The following AGBL1 variants were observed in gnomAD, a reference collection of about 807,000 sequenced individuals.
The protein encoded by AGBL1 is cytosolic carboxypeptidase 4.
In AGBL1, 130 loss-of-function variants were observed where a neutral mutation model predicts 118.9. That is an observed-to-expected ratio of 1.09 (90% CI 0.95 to 1.26). AGBL1 has a LOEUF of 1.26. Ranked by LOEUF, AGBL1 falls within the 50% of genes most tolerant of loss-of-function variation. The pLI is 0.00. For synonymous variants in AGBL1, 555 were observed against 478.9 expected (o/e 1.16, Z -2.08); for missense variants, 1,584 against 1,298.1 (o/e 1.22, Z -3.38).
intron 22 of AGBL1, among the ~76,000 whole-genome samples, chr15:86,689,544 G>T (rs952450108): frequency 6.6e-6 from 1 of 151,896 alleles, no homozygotes; most frequent in African/African-American, 2.4e-5. Flanking sequence ...GAAGACTTAC[G>T]GGCTAAATAA....
At chr15:86,555,786 C>A (rs570362303) in intron 21 of AGBL1, among the ~76,000 whole-genome samples, 78 of 152,124 alleles carry the variant, frequency 5.1e-4, no homozygotes, top group South Asian at 1.2e-3. Flanking sequence ...AATAAGGACT[C>A]CTTTTATCCT....
At chr15:86,599,113 G>C (rs903540460) in intron 21 of AGBL1, among the ~76,000 whole-genome samples, 2 of 152,100 alleles carry the variant, frequency 1.3e-5, no homozygotes, top group African/African-American at 4.8e-5. Context: ...ATAGTGATTA[G>C]TTTCACACCG....
intron 18 of AGBL1, among the ~76,000 whole-genome samples, chr15:86,427,532 A>T (rs2081881613): frequency 1.3e-5 from 2 of 151,068 alleles, no homozygotes; most frequent in African/African-American, 4.9e-5. Flanking sequence ...GATAAAATAC[A>T]TTCTTCAATT....
At chr15:86,624,812 G>A (rs750210788) in intron 21 of AGBL1, among the ~76,000 whole-genome samples, 2 of 152,178 alleles carry the variant, frequency 1.3e-5, no homozygotes, top group Non-Finnish European at 2.9e-5. Flanking sequence ...AGGTCTGAAA[G>A]GTCAGACACC....
At chr15:86,707,980 C>G (rs1056181642) in intron 22 of AGBL1, among the ~76,000 whole-genome samples, 10 of 152,156 alleles carry the variant, frequency 6.6e-5, no homozygotes, top group Admixed American at 5.2e-4. Context: ...TTTAGCTACT[C>G]AGTCTCAAAA....
chr15:86,446,381 C>G (rs976107724), intron 18 of AGBL1, among the ~76,000 whole-genome samples: 1 of 152,180 alleles, frequency 6.6e-6, no homozygotes, highest in Non-Finnish European at 1.5e-5. Flanking sequence ...CAGAGAAGCT[C>G]AAGGGAGCAT....
At chr15:87,028,768 A>G in intron 24 of AGBL1, 1 of 1,547,912 alleles carries the variant, frequency 6.5e-7, no homozygotes, top group Non-Finnish European at 8.9e-7. Context: ...TGTGGCACAA[A>G]CCAGAAGTTA....
chr15:87,021,586 A>G (rs947484313), intron 24 of AGBL1, among the ~76,000 whole-genome samples: 1 of 152,208 alleles, frequency 6.6e-6, no homozygotes, highest in Non-Finnish European at 1.5e-5. Context: ...AAATTTTTGC[A>G]ATCTATCCAT....
intron 22 of AGBL1, among the ~76,000 whole-genome samples, chr15:86,779,715 A>T (rs1403079447): frequency 1.3e-5 from 2 of 152,164 alleles, no homozygotes; most frequent in Non-Finnish European, 2.9e-5. Flanking sequence ...GATTTTTTGT[A>T]ATGGGGAAAT....
At chr15:86,464,114 C>T (rs1320261423) in intron 18 of AGBL1, among the ~76,000 whole-genome samples, 1 of 152,056 alleles carries the variant, frequency 6.6e-6, no homozygotes, top group African/African-American at 2.4e-5. Flanking sequence ...TCTTTTATTT[C>T]CTTGAGCAGT....
At chr15:87,004,708 T>G (rs1284704870) in intron 24 of AGBL1, among the ~76,000 whole-genome samples, 1 of 152,222 alleles carries the variant, frequency 6.6e-6, no homozygotes. Context: ...AATATTGTTA[T>G]CTGTGAATTT....
At chr15:86,266,794 G>A (rs768230292) in intron 12 of AGBL1, among the ~76,000 whole-genome samples, 196 bp from the exon 13 acceptor site, 20 of 152,090 alleles carry the variant, frequency 1.3e-4, no homozygotes, top group African/African-American at 1.9e-4. Flanking sequence ...CCCGCTACTC[G>A]GGAGGCTGAG....
chr15:86,873,993 G>A (rs1201902084), intron 22 of AGBL1, among the ~76,000 whole-genome samples: 1 of 152,144 alleles, frequency 6.6e-6, no homozygotes, highest in Admixed American at 6.6e-5. Flanking sequence ...AAGCCTGTGA[G>A]TCATTTACTA....
chr15:86,735,888 G>A (rs115743535), intron 22 of AGBL1, among the ~76,000 whole-genome samples: 1 of 152,074 alleles, frequency 6.6e-6, no homozygotes. Context: ...TTTCAATAAA[G>A]TAGAAATGAG....
intron 22 of AGBL1, among the ~76,000 whole-genome samples, chr15:86,816,984 G>C (rs753870941): frequency 2.6e-5 from 4 of 152,024 alleles, no homozygotes; most frequent in South Asian, 2.1e-4. Context: ...CATAAACAGG[G>C]AGTAGCTGAG....
rs748165989 is a variant in AGBL1, at chr15:86,846,812, G to A, written c.3159-60275G>A. ...CTCCCAAAGTGCTGGGATTGCAGGC[G>A]TGAGCCACCACACCCAGCCAAATTT... On this transcript the variant is annotated intron_variant, in intron 22 of 22. Transcript: ENST00000614907. Among the ~76,000 whole-genome samples the A allele has an allele frequency of 3.9e-5, 6 of 152,162 alleles. No individual in the cohort carries two copies. The East Asian group carries it at 5.8e-4, about 15-fold the overall frequency.
At chr15:86,646,390 G>C (rs952111117) in intron 21 of AGBL1, among the ~76,000 whole-genome samples, 2 of 152,092 alleles carry the variant, frequency 1.3e-5, no homozygotes, top group South Asian at 2.1e-4. Context: ...AGTCCTTCTC[G>C]AACTTGAGAG....
chr15:86,387,286 A>T (rs926509199), intron 17 of AGBL1, among the ~76,000 whole-genome samples: 2 of 152,136 alleles, frequency 1.3e-5, no homozygotes, highest in African/African-American at 4.8e-5. Flanking sequence ...GAATAGTAAA[A>T]ATCAGAGGAT....
chr15:86,215,264 T>A (rs965462850), intron 5 of AGBL1, among the ~76,000 whole-genome samples: 6 of 149,902 alleles, frequency 4.0e-5, no homozygotes, highest in Non-Finnish European at 3.0e-5. Flanking sequence ...TGTGTGTGTG[T>A]GATTTTATGC....
Sources: gnomAD v4.1 joint callset for allele counts (sites outside exome capture counted in the v4.1 genomes callset) on GRCh38, gnomAD v4.1.1 for gene constraint, MANE v1.5 for transcripts, NCBI Gene and HGNC (gene_info 2026-07-23, HGNC 2026-07-21) for gene names.